The following PTPRD variants were observed in gnomAD, a reference collection of about 807,000 sequenced individuals.
PTPRD encodes the protein receptor-type tyrosine-protein phosphatase delta.
A neutral mutation model predicts 214.5 loss-of-function variants in PTPRD; 34 were observed. The observed-to-expected ratio is 0.16, with a 90% CI of 0.12 to 0.21. The LOEUF is 0.21. PTPRD is among the 10% of genes least tolerant of loss of function. PTPRD has a pLI of 1.00. For synonymous variants in PTPRD, 1,128 were observed against 845.7 expected (o/e 1.33, Z -5.79); for missense variants, 2,545 against 2,398.7 (o/e 1.06, Z -1.27).
At chr9:10,385,025 T>A (rs1320550857) in intron 2 of PTPRD, among the ~76,000 whole-genome samples, 1 of 151,834 alleles carries the variant, frequency 6.6e-6, no homozygotes, top group East Asian at 1.9e-4. Flanking sequence ...TTCTCCTTCC[T>A]CCATCTGTAT....
intron 9 of PTPRD, among the ~76,000 whole-genome samples, chr9:9,215,099 C>A (rs1159684666): frequency 6.6e-6 from 1 of 152,152 alleles, no homozygotes; most frequent in Non-Finnish European, 1.5e-5. Context: ...TTTGATGATT[C>A]ATTTGTGTGT....
intron 10 of PTPRD, among the ~76,000 whole-genome samples, chr9:9,035,513 C>T (rs182731362): frequency 5.9e-5 from 9 of 152,142 alleles, no homozygotes; most frequent in Admixed American, 4.6e-4. Flanking sequence ...CGCCATGCTC[C>T]AAGTTATAAA....
At chr9:9,992,930 C>G (rs914898216) in intron 4 of PTPRD, among the ~76,000 whole-genome samples, 1 of 151,340 alleles carries the variant, frequency 6.6e-6, no homozygotes, top group Non-Finnish European at 1.5e-5. Context: ...GCACATGTAC[C>G]CTAGAACTTA....
intron 3 of PTPRD, among the ~76,000 whole-genome samples, chr9:10,142,504 T>G (rs7874620): frequency 0.038 from 5,685 of 151,594 alleles, 288 homozygotes; most frequent in African/African-American, 0.11. Context: ...CATTTATGCA[T>G]CCAAAAAACA....
intron 2 of PTPRD, among the ~76,000 whole-genome samples, chr9:10,410,270 TAC>T (rs1555303988): frequency 5.0e-5 from 7 of 139,850 alleles, no homozygotes; most frequent in South Asian, 2.3e-4. Flanking sequence ...TATATATATA[TAC>T]ACACACACAC....
In PTPRD at chr9:9,004,986, T is replaced by G. The variant is rs554965330; in HGVS notation, c.-104+13711A>C. On this transcript the variant is annotated intron_variant, in intron 11 of 45. Coordinates refer to ENST00000381196, the MANE Select transcript of PTPRD (RefSeq NM_002839.4). ...TTGCATTATCCGCCAGGTGTTAAAC[T>G]CATTATAGGCCATAGCATCATTTGC... Among the ~76,000 whole-genome samples the G allele has an allele frequency of 1.4e-4, 21 of 152,246 alleles. No homozygotes were observed. In the South Asian group the frequency reaches 4.4e-3, roughly 32 times the overall value.
chr9:8,549,206 C>T (rs927350607), intron 14 of PTPRD, among the ~76,000 whole-genome samples: 4 of 152,132 alleles, frequency 2.6e-5, no homozygotes, highest in East Asian at 3.9e-4. Flanking sequence ...ATGAGTTAGA[C>T]GCATACTGGA....
chr9:8,471,476 A>C (rs538647637), intron 30 of PTPRD, among the ~76,000 whole-genome samples: 11 of 152,144 alleles, frequency 7.2e-5, no homozygotes, highest in Non-Finnish European at 1.3e-4. Context: ...TTTTAAAAGG[A>C]GGATATAGAT....
chr9:10,591,825 A>G (rs2075523461), intron 2 of PTPRD, among the ~76,000 whole-genome samples: 1 of 151,926 alleles, frequency 6.6e-6, no homozygotes, highest in South Asian at 2.1e-4. Context: ...TCTATTTCCT[A>G]CCATGTCACA....
intron 3 of PTPRD, among the ~76,000 whole-genome samples, chr9:10,063,282 G>C (rs575458653): frequency 6.6e-6 from 1 of 152,124 alleles, no homozygotes; most frequent in East Asian, 1.9e-4. Context: ...AACTGAATCT[G>C]TCAATACCAG....
chr9:10,256,418 G>T (rs1005089663), intron 3 of PTPRD, among the ~76,000 whole-genome samples: 8 of 149,594 alleles, frequency 5.3e-5, no homozygotes, highest in Non-Finnish European at 1.2e-4. Context: ...TAATAAGTAG[G>T]AGTACACTCT....
chr9:10,182,626 T>C (rs1465867438), intron 3 of PTPRD, among the ~76,000 whole-genome samples: 4 of 152,138 alleles, frequency 2.6e-5, no homozygotes, highest in South Asian at 2.1e-4. Flanking sequence ...TTTGAAGATA[T>C]ATTCTAACAT....
chr9:9,677,433 T>A (rs2154395130), intron 7 of PTPRD, among the ~76,000 whole-genome samples: 1 of 152,196 alleles, frequency 6.6e-6, no homozygotes, highest in South Asian at 2.1e-4. Flanking sequence ...TCAATAAACG[T>A]TTTCCAGCAT....
intron 7 of PTPRD, among the ~76,000 whole-genome samples, chr9:9,656,039 G>A (rs1227650864): frequency 1.3e-5 from 2 of 152,160 alleles, no homozygotes; most frequent in Non-Finnish European, 2.9e-5. Context: ...AACATCATAT[G>A]ACATTAAGAA....
intron 3 of PTPRD, among the ~76,000 whole-genome samples, chr9:10,171,262 C>G (rs1362346929): frequency 1.3e-5 from 2 of 152,064 alleles, no homozygotes; most frequent in Non-Finnish European, 2.9e-5. Flanking sequence ...CTCATAATTC[C>G]CACATGTTGT....
chr9:8,515,953 ACC>A lies in PTPRD; in HGVS notation c.1543+1893_1543+1894del, dbSNP rs2097774695. Among the ~76,000 whole-genome samples, 3 of 152,206 alleles carry A rather than the reference ACC, an allele frequency of 2.0e-5. No individual in the cohort carries two copies. In the South Asian group the frequency reaches 6.2e-4, roughly 32 times the overall value. ...AGTTCAGAGAGAGATGACATAAATC[ACC>A]TAAGGTGACAGCTAATAAACGAAAG... On this transcript the variant is annotated intron_variant, in intron 21 of 45. Coordinates refer to ENST00000381196, the MANE Select transcript of PTPRD (RefSeq NM_002839.4).
intron 9 of PTPRD, among the ~76,000 whole-genome samples, chr9:9,325,978 T>C (rs966097291): frequency 6.6e-6 from 1 of 152,174 alleles, no homozygotes; most frequent in Non-Finnish European, 1.5e-5. Flanking sequence ...CGGTTCTGTT[T>C]ATGCGATGGA....
intron 9 of PTPRD, among the ~76,000 whole-genome samples, chr9:9,218,386 G>A (rs919866852): frequency 6.6e-6 from 1 of 152,078 alleles, no homozygotes; most frequent in African/African-American, 2.4e-5. Flanking sequence ...AACAAGACTA[G>A]TGGCCATTAG....
rs142452266 is a variant in PTPRD, at chr9:9,366,203, G to T, written c.-203+31246C>A. On this transcript the variant is annotated intron_variant, in intron 9 of 45. Coordinates refer to ENST00000381196, the MANE Select transcript of PTPRD (RefSeq NM_002839.4). ...ACAAATAAAACTAAAAAAGAATTTA[G>T]ATTTATTAGGTTGCATAACCGACTA... 4.7e-3 allele frequency among the ~76,000 whole-genome samples: 716 copies of T among 151,582 alleles called. 3 individuals carry two copies. The highest frequency in any genetic ancestry group is 0.016 in the African/African-American group (665 of 41,470).
Sources: allele counts gnomAD v4.1 joint callset (sites outside exome capture counted in the v4.1 genomes callset), GRCh38; gene constraint gnomAD v4.1.1; transcripts MANE v1.5; gene names NCBI Gene and HGNC (gene_info 2026-07-23, HGNC 2026-07-21).